GALNTL6: variants seen among roughly 807,000 people sequenced by gnomAD.
The protein encoded by GALNTL6 is polypeptide N-acetylgalactosaminyltransferase-like 6.
In GALNTL6, 46 loss-of-function variants were observed where a neutral mutation model predicts 73.7. The ratio of observed to expected loss-of-function variants is 0.62; its 90% CI spans 0.49 to 0.80. The LOEUF (loss-of-function observed/expected upper bound fraction) is 0.80. Ranked by LOEUF, GALNTL6 falls within the 30% of genes least tolerant of loss-of-function variation. The probability of loss-of-function intolerance (pLI) is 0.00; values close to 1 mark genes in which losing one functional copy is unlikely to be tolerated. For missense variants in GALNTL6, 604 were observed against 755.0 expected (o/e 0.80, Z 2.34); for synonymous variants, 259 against 263.7 (o/e 0.98, Z 0.17).
chr4:172,875,417 C>G (rs968586974), intron 7 of GALNTL6, among the ~76,000 whole-genome samples: 14 of 152,148 alleles, frequency 9.2e-5, no homozygotes, highest in Admixed American at 7.2e-4. Context: ...TATACTTTAG[C>G]CAAGGTTCCA....
chr4:172,774,004 T>C (rs766116579), intron 5 of GALNTL6, among the ~76,000 whole-genome samples: 1 of 152,316 alleles, frequency 6.6e-6, no homozygotes, highest in East Asian at 1.9e-4. Flanking sequence ...CTGAACACTT[T>C]AGTTAATTCC....
At position 171,929,271 on chromosome 4, in the gene GALNTL6, T is replaced by G. The variant is rs144026726; in HGVS notation, c.138+114553T>G. ...ATTTTTTGTAGAGATGGGATCTCTC[T>G]GTATTGCCCAGTCTGGTCTTGAATT... is the stretch of plus-strand genomic sequence containing the variant. On this transcript the variant is annotated intron_variant, in intron 2 of 12. Coordinates refer to ENST00000506823, the MANE Select transcript of GALNTL6 (RefSeq NM_001034845.3). 6.8e-3 allele frequency among the ~76,000 whole-genome samples: 1,034 copies of G among 152,242 alleles called. 6 individuals carry two copies. Among genetic ancestry groups the G allele is most frequent in the African/African-American group, 0.024 (984 of 41,548 alleles).
rs906349268 is a variant in GALNTL6 at position 173,012,866 on chromosome 4, G to A, written c.1488+3572G>A. On this transcript the variant is annotated intron_variant, in intron 11 of 12. Coordinates refer to ENST00000506823, the MANE Select transcript of GALNTL6 (RefSeq NM_001034845.3). The stretch of plus-strand genomic sequence containing the variant: ...AAATGCGCCCTGCATGGCTGGGCAC[G>A]GTGACTCGCGCCTATAATCCCAGCA... Among the ~76,000 whole-genome samples the A allele has an allele frequency of 3.9e-5, 6 of 152,186 alleles. No individual in the cohort carries two copies. In the East Asian group the frequency reaches 5.8e-4, roughly 15 times the overall value.
chr4:172,310,027 CA>C (rs1306009625), intron 3 of GALNTL6, among the ~76,000 whole-genome samples: 1 of 151,834 alleles, frequency 6.6e-6, no homozygotes, highest in African/African-American at 2.4e-5. Context: ...ATCTAAAAAA[CA>C]AAATCCAGAA....
At chr4:172,995,636 A>G (rs1428283341) in intron 10 of GALNTL6, among the ~76,000 whole-genome samples, 4 of 152,334 alleles carry the variant, frequency 2.6e-5, no homozygotes, top group African/African-American at 9.6e-5. Context: ...GAAGTTTTCT[A>G]TCAGATCTCA....
chr4:172,759,630 C>G (rs1436346690), intron 5 of GALNTL6, among the ~76,000 whole-genome samples: 1 of 152,152 alleles, frequency 6.6e-6, no homozygotes, highest in East Asian at 1.9e-4. Context: ...CTCACTCCGC[C>G]ATCTCTTCCT....
intron 5 of GALNTL6, among the ~76,000 whole-genome samples, chr4:172,482,984 T>C (rs528181893): frequency 6.9e-6 from 1 of 145,078 alleles, no homozygotes; most frequent in Admixed American, 7.2e-5. Flanking sequence ...AAGTACAATT[T>C]CGTAGGATTA....
intron 4 of GALNTL6, among the ~76,000 whole-genome samples, chr4:172,321,214 C>A (rs565438768): frequency 6.6e-6 from 1 of 151,984 alleles, no homozygotes; most frequent in Non-Finnish European, 1.5e-5. Context: ...TACTAGGGGT[C>A]GTGGAACATA....
At chr4:171,965,470 T>C (rs998396985) in intron 2 of GALNTL6, among the ~76,000 whole-genome samples, 2 of 151,676 alleles carry the variant, frequency 1.3e-5, no homozygotes, top group East Asian at 1.9e-4. Context: ...TCCTGGCTAA[T>C]ACAGTGAAAC....
At chr4:172,351,468 T>C (rs1377421372) in intron 5 of GALNTL6, among the ~76,000 whole-genome samples, 4 of 152,288 alleles carry the variant, frequency 2.6e-5, no homozygotes, top group Non-Finnish European at 4.4e-5. Context: ...GAAGAGTGTT[T>C]AGCAGAATCC....
intron 2 of GALNTL6, among the ~76,000 whole-genome samples, chr4:172,127,165 G>C (rs1250913252): frequency 6.6e-6 from 1 of 152,190 alleles, no homozygotes; most frequent in African/African-American, 2.4e-5. Context: ...TCTGATGTGG[G>C]CCTGGAGATT....
chr4:172,288,310 C>A (rs1739338317), intron 3 of GALNTL6, among the ~76,000 whole-genome samples: 1 of 152,106 alleles, frequency 6.6e-6, no homozygotes, highest in Admixed American at 6.5e-5. Flanking sequence ...CCAGGACGGT[C>A]TCGATCTCCT....
intron 5 of GALNTL6, among the ~76,000 whole-genome samples, chr4:172,686,594 A>C (rs140769055): frequency 6.6e-6 from 1 of 152,348 alleles, no homozygotes; most frequent in East Asian, 1.9e-4. Flanking sequence ...AACTAGAGGA[A>C]AACACTATAG....
intron 2 of GALNTL6, among the ~76,000 whole-genome samples, chr4:172,057,306 C>T (rs1427219997): frequency 1.3e-5 from 2 of 151,618 alleles, no homozygotes; most frequent in East Asian, 1.9e-4. Flanking sequence ...CCCAGCTACT[C>T]GAGAGGCTGA....
At chr4:172,909,800 C>G (rs1047724049) in intron 8 of GALNTL6, among the ~76,000 whole-genome samples, 1 of 152,032 alleles carries the variant, frequency 6.6e-6, no homozygotes, top group Non-Finnish European at 1.5e-5. Flanking sequence ...AAGATAAACT[C>G]ACACCTGTGT....
At chr4:173,021,959 A>C (rs1753008182) in intron 12 of GALNTL6, among the ~76,000 whole-genome samples, 1 of 151,272 alleles carries the variant, frequency 6.6e-6, no homozygotes, top group Non-Finnish European at 1.5e-5. Flanking sequence ...GTGCCACTAC[A>C]CTCCAGCCTG....
chr4:173,013,537 T>G (rs1402599337), intron 11 of GALNTL6, among the ~76,000 whole-genome samples: 1 of 151,978 alleles, frequency 6.6e-6, no homozygotes, highest in East Asian at 1.9e-4. Flanking sequence ...AATTGCTGGT[T>G]CACTCCCCGC....
intron 5 of GALNTL6, among the ~76,000 whole-genome samples, chr4:172,552,068 AC>A (rs1460021202): frequency 1.3e-5 from 2 of 152,156 alleles, no homozygotes; most frequent in African/African-American, 4.8e-5. Flanking sequence ...AATGAGCTGT[AC>A]CCCAGAATAA....
At chr4:172,448,739 T>C (rs1411949282) in intron 5 of GALNTL6, among the ~76,000 whole-genome samples, 2 of 152,144 alleles carry the variant, frequency 1.3e-5, no homozygotes, top group Admixed American at 1.3e-4. Context: ...TGTTTGGTCT[T>C]GGGGAGCAGA....
Sources: gnomAD v4.1 joint callset for allele counts (sites outside exome capture counted in the v4.1 genomes callset) on GRCh38, gnomAD v4.1.1 for gene constraint, MANE v1.5 for transcripts, NCBI Gene and HGNC (gene_info 2026-07-23, HGNC 2026-07-21) for gene names.